Variants in DIAPH2 observed in about 807,000 individuals in gnomAD.
The protein encoded by DIAPH2 is protein diaphanous homolog 2.
Under a neutral mutation model 92.7 loss-of-function variants are expected in DIAPH2, and 35 were observed. That is an observed-to-expected ratio of 0.38 (90% confidence interval 0.29 to 0.50). The LOEUF is 0.50. DIAPH2 is among the 20% of genes least tolerant of loss of function. DIAPH2 has a pLI of 0.94. For synonymous variants in DIAPH2, 301 were observed against 280.4 expected (o/e 1.07, Z -0.73); for missense variants, 701 against 819.5 (o/e 0.86, Z 1.77).
At chrX:97,305,622 C>A (rs1350024709) in intron 23 of DIAPH2, among the ~76,000 whole-genome samples, 1 of 108,987 alleles carries the variant, frequency 9.2e-6, no homozygotes, top group Non-Finnish European at 1.9e-5. Context: ...GAGTTCGAGA[C>A]CAACCTGGAC....
At chrX:97,446,020 G>A (rs2070307061) in intron 26 of DIAPH2, among the ~76,000 whole-genome samples, 2 of 110,610 alleles carry the variant, frequency 1.8e-5, no homozygotes, top group Non-Finnish European at 3.8e-5. Context: ...GCGTTTAAAA[G>A]GGATAGATAA....
intron 1 of DIAPH2, among the ~76,000 whole-genome samples, chrX:96,718,339 T>TG (rs2063966711): frequency 7.5e-5 from 3 of 40,027 alleles, no homozygotes; most frequent in Non-Finnish European, 9.4e-5. Context: ...TTTCTTTGTT[T>TG]TTTTTTTTTT....
chrX:97,352,342 G>A (rs965290758), intron 24 of DIAPH2, among the ~76,000 whole-genome samples: 4 of 110,908 alleles, frequency 3.6e-5, no homozygotes, highest in African/African-American at 1.3e-4. Flanking sequence ...TATGGATTAA[G>A]ATCTTTTTGA....
At chrX:96,958,222 T>A in intron 16 of DIAPH2, 74 bp downstream of exon 16, 1 of 1,075,522 alleles carries the variant, frequency 9.3e-7, no homozygotes, top group Non-Finnish European at 1.2e-6. Context: ...CATTGTATAA[T>A]GTTTGAGAGT....
At chrX:97,466,731 C>G (rs1189696764) in intron 26 of DIAPH2, among the ~76,000 whole-genome samples, 1 of 111,998 alleles carries the variant, frequency 8.9e-6, no homozygotes, top group Non-Finnish European at 1.9e-5. Context: ...AAAAGTAATG[C>G]TGCAAGTACA....
At chrX:96,690,235 T>C (rs1416214399) in intron 1 of DIAPH2, among the ~76,000 whole-genome samples, 1 of 111,148 alleles carries the variant, frequency 9.0e-6, no homozygotes, top group African/African-American at 3.3e-5. Context: ...GGCAAAAGAA[T>C]ATGGAACGGA....
chrX:97,231,126 G>T (rs1716057618), intron 22 of DIAPH2, among the ~76,000 whole-genome samples: 1 of 111,202 alleles, frequency 9.0e-6, no homozygotes, highest in Non-Finnish European at 1.9e-5. Flanking sequence ...TTTGTTGTCT[G>T]TTTTATTGAG....
At chrX:97,101,716 A>G (rs1460356122) in intron 20 of DIAPH2, among the ~76,000 whole-genome samples, 2 of 112,365 alleles carry the variant, frequency 1.8e-5, no homozygotes, top group Non-Finnish European at 3.8e-5. Context: ...AATAGACAGT[A>G]AATAAATGTT....
At chrX:96,794,631 G>T (rs913308390) in intron 4 of DIAPH2, among the ~76,000 whole-genome samples, 1 of 111,076 alleles carries the variant, frequency 9.0e-6, no homozygotes, top group Non-Finnish European at 1.9e-5. Flanking sequence ...TGAAGTTAAA[G>T]ATAACTCTAT....
At chrX:97,167,346 C>A (rs932985990) in intron 22 of DIAPH2, among the ~76,000 whole-genome samples, 2 of 111,497 alleles carry the variant, frequency 1.8e-5, no homozygotes, top group Admixed American at 1.9e-4. Flanking sequence ...CAAAACAGAT[C>A]ATGTTAAAGC....
At chrX:97,207,869 C>T (rs1407238134) in intron 22 of DIAPH2, among the ~76,000 whole-genome samples, 2 of 111,397 alleles carry the variant, frequency 1.8e-5, no homozygotes, top group Non-Finnish European at 3.8e-5. Flanking sequence ...AAGAGTGAAC[C>T]GGGGCCAGGT....
At chrX:97,229,135 C>G (rs1036620195) in intron 22 of DIAPH2, among the ~76,000 whole-genome samples, 1 of 112,063 alleles carries the variant, frequency 8.9e-6, no homozygotes, top group Non-Finnish European at 1.9e-5. Flanking sequence ...CCATTTCCCA[C>G]TAATTTGTAT....
chrX:97,187,091 C>T (rs376585053), intron 22 of DIAPH2, among the ~76,000 whole-genome samples: 4 of 110,373 alleles, frequency 3.6e-5, no homozygotes, highest in African/African-American at 1.3e-4. Context: ...ATGCTTGTGG[C>T]CTTTTCCCAT....
chrX:97,077,566 C>T (rs764524086), intron 19 of DIAPH2, among the ~76,000 whole-genome samples: 1 of 111,811 alleles, frequency 8.9e-6, no homozygotes, highest in South Asian at 3.8e-4. Context: ...ACATCACTTC[C>T]CAGAACTTGA....
At chrX:96,998,533 A>C (rs2066120370) in intron 17 of DIAPH2, among the ~76,000 whole-genome samples, 1 of 112,086 alleles carries the variant, frequency 8.9e-6, no homozygotes, top group African/African-American at 3.2e-5. Flanking sequence ...ATTGAAGCCA[A>C]ATACGTTTTT....
At chrX:97,559,227 C>T (rs757977427) in intron 26 of DIAPH2, among the ~76,000 whole-genome samples, 40 of 111,930 alleles carry the variant, frequency 3.6e-4, no homozygotes, top group African/African-American at 1.2e-3. Context: ...CATGGTAGCT[C>T]ATTCCTGTAA....
At chrX:96,826,303 GC>G (rs1422673371) in intron 4 of DIAPH2, among the ~76,000 whole-genome samples, 4 of 110,092 alleles carry the variant, frequency 3.6e-5, no homozygotes, top group Non-Finnish European at 7.6e-5. Context: ...TGTAATCCCA[GC>G]TACTTGGGAG....
chrX:97,282,033 A>T (rs896326722), intron 23 of DIAPH2, among the ~76,000 whole-genome samples: 2 of 111,076 alleles, frequency 1.8e-5, no homozygotes, highest in African/African-American at 3.3e-5. Flanking sequence ...CAAGAAAAAA[A>T]GAAAAAAAAA....
chrX:97,300,722 G>T (rs1240851453), intron 23 of DIAPH2, among the ~76,000 whole-genome samples: 33 of 93,633 alleles, frequency 3.5e-4, no homozygotes, highest in African/African-American at 1.2e-3. Flanking sequence ...CACAAGGTCA[G>T]GAGATTGAGA....
Sources: gnomAD v4.1 joint callset for allele counts (sites outside exome capture counted in the v4.1 genomes callset) on GRCh38, gnomAD v4.1.1 for gene constraint, MANE v1.5 for transcripts, NCBI Gene and HGNC (gene_info 2026-07-23, HGNC 2026-07-21) for gene names.